The following CTNNA2 variants were observed in gnomAD, a reference collection of about 807,000 sequenced individuals.
CTNNA2 encodes the protein catenin alpha-2.
Under a neutral mutation model 101.0 loss-of-function variants are expected in CTNNA2, and 42 were observed. That is an observed-to-expected ratio of 0.42 (90% CI 0.32 to 0.54). CTNNA2 has a LOEUF of 0.54. CTNNA2 is among the 20% of genes least tolerant of loss of function. CTNNA2 has a pLI of 0.14. For missense variants in CTNNA2, 871 were observed against 1,223.1 expected, an observed-to-expected ratio of 0.71 and a Z score of 4.29; for synonymous variants, 450 against 456.4, an observed-to-expected ratio of 0.99 and a Z score of 0.18.
rs187803019 is a variant in CTNNA2 at position 79,889,119 on chromosome 2, G to A, written c.852+14777G>A. The stretch of plus-strand genomic sequence containing the variant: ...CTTCCTATGTTACAGTGCTGGGAAC[G>A]TGATAGGGAGTTACTTAAATGTTCT... On this transcript the variant is annotated intron_variant, in intron 6 of 18. Transcript: ENST00000402739. Among the ~76,000 whole-genome samples, 87 of 152,238 alleles carry A rather than the reference G, an allele frequency of 5.7e-4. No homozygotes were observed. In the East Asian group the frequency reaches 6.9e-3, roughly 12 times the overall value.
chr2:80,093,963 C>T (rs1346771065), intron 7 of CTNNA2, among the ~76,000 whole-genome samples: 2 of 151,938 alleles, frequency 1.3e-5, no homozygotes, highest in African/African-American at 2.4e-5. Context: ...GTTGCCTGTT[C>T]ACTCTGATGG....
At chr2:80,193,181 C>T (rs1706629016) in intron 7 of CTNNA2, among the ~76,000 whole-genome samples, 1 of 152,152 alleles carries the variant, frequency 6.6e-6, no homozygotes, top group Admixed American at 6.5e-5. Flanking sequence ...TCATTGGTAA[C>T]TATCAACTGA....
intron 4 of CTNNA2, among the ~76,000 whole-genome samples, chr2:79,457,588 G>A (rs895842390): frequency 6.6e-6 from 1 of 152,044 alleles, no homozygotes; most frequent in Non-Finnish European, 1.5e-5. Flanking sequence ...CAGTTATAAG[G>A]CTCATATGAA....
At chr2:79,434,771 C>T (rs1283220244) in intron 4 of CTNNA2, among the ~76,000 whole-genome samples, 2 of 152,158 alleles carry the variant, frequency 1.3e-5, no homozygotes, top group African/African-American at 4.8e-5. Flanking sequence ...GAGTGAGAAA[C>T]AGGGACAGTG....
At chr2:80,238,270 A>T (rs1314649224) in intron 7 of CTNNA2, among the ~76,000 whole-genome samples, 1 of 152,154 alleles carries the variant, frequency 6.6e-6, no homozygotes, top group Non-Finnish European at 1.5e-5. Context: ...GGAGGGGCTG[A>T]CAGCACGTTG....
intron 1 of CTNNA2, among the ~76,000 whole-genome samples, chr2:79,516,332 C>T (rs1266926511): frequency 1.3e-5 from 2 of 152,058 alleles, no homozygotes; most frequent in African/African-American, 4.8e-5. Flanking sequence ...AAGACAGAAG[C>T]GCAAGTAAGT....
At chr2:80,375,117 A>G (rs1441734787) in intron 7 of CTNNA2, among the ~76,000 whole-genome samples, 1 of 152,116 alleles carries the variant, frequency 6.6e-6, no homozygotes, top group Non-Finnish European at 1.5e-5. Flanking sequence ...AAACAAAATT[A>G]TGATACTCAG....
In CTNNA2 at chr2:80,303,865, G is replaced by T. The variant is rs1676632851; in HGVS notation, c.1057-89346G>T. The T allele has an allele frequency of 6.8e-7, 1 of 1,477,066 alleles. No homozygotes were observed. The highest frequency in any genetic ancestry group is 9.0e-7 in the Non-Finnish European group (1 of 1,112,712). 91.5% of individuals were successfully genotyped at this position (1,477,066 alleles called of 1,614,324 possible). On this transcript the variant is annotated intron_variant, in intron 7 of 18. Coordinates refer to ENST00000402739, the MANE Select transcript of CTNNA2 (RefSeq NM_001282597.3). The surrounding 1 kb of genome is among the most constrained non-coding windows in gnomAD (Gnocchi z 7.7). ...AGACTGGAGAATGTCCATTGGAAGCGCTCGGTCAGAAATCTACATCATATT... is the reference window on the plus strand; with the variant it reads ...AGACTGGAGAATGTCCATTGGAAGCTCTCGGTCAGAAATCTACATCATATT...
intron 6 of CTNNA2, among the ~76,000 whole-genome samples, chr2:79,881,140 A>G (rs1234940748): frequency 6.6e-6 from 1 of 152,172 alleles, no homozygotes; most frequent in African/African-American, 2.4e-5. Flanking sequence ...GAGTTTCTTC[A>G]TCCTAAGTTC....
chr2:79,302,722 A>C (rs976360287), intron 2 of CTNNA2, among the ~76,000 whole-genome samples: 1 of 152,174 alleles, frequency 6.6e-6, no homozygotes, highest in African/African-American at 2.4e-5. Flanking sequence ...ATATGAATTG[A>C]GTGTCTATTC....
intron 6 of CTNNA2, among the ~76,000 whole-genome samples, chr2:79,894,034 T>C (rs1684503270): frequency 6.8e-6 from 1 of 146,110 alleles, no homozygotes; most frequent in Non-Finnish European, 1.5e-5. Context: ...TTCTTCTTCT[T>C]CTTCTTCTTC....
chr2:80,442,872 A>C (rs1414060221), intron 9 of CTNNA2, among the ~76,000 whole-genome samples: 1 of 152,216 alleles, frequency 6.6e-6, no homozygotes, highest in Non-Finnish European at 1.5e-5. Flanking sequence ...CAGACAGCTC[A>C]GAGCAGAAAA....
At chr2:80,559,882 A>ATC (rs1693400787) in intron 12 of CTNNA2, among the ~76,000 whole-genome samples, 1 of 139,772 alleles carries the variant, frequency 7.2e-6, no homozygotes, top group African/African-American at 2.9e-5. Context: ...TCATATTTAT[A>ATC]TATATATATA....
intron 4 of CTNNA2, among the ~76,000 whole-genome samples, chr2:79,468,308 G>C (rs1359941498): frequency 6.6e-6 from 1 of 152,092 alleles, no homozygotes; most frequent in Non-Finnish European, 1.5e-5. Context: ...GTAAAGGGAT[G>C]AATTCAACAA....
At chr2:79,689,990 A>G (rs1363666973) in intron 2 of CTNNA2, among the ~76,000 whole-genome samples, 1 of 152,014 alleles carries the variant, frequency 6.6e-6, no homozygotes. Context: ...TTGCATATAC[A>G]TACCTAAAAT....
At chr2:79,758,155 A>G (rs1672522107) in intron 3 of CTNNA2, among the ~76,000 whole-genome samples, 1 of 152,212 alleles carries the variant, frequency 6.6e-6, no homozygotes, top group Non-Finnish European at 1.5e-5. Flanking sequence ...TTTGTGCATA[A>G]AATACTCTAC....
chr2:80,333,872 C>T (rs183859888), intron 7 of CTNNA2, among the ~76,000 whole-genome samples: 12 of 152,332 alleles, frequency 7.9e-5, no homozygotes, highest in African/African-American at 1.4e-4. Flanking sequence ...ATCCGCCTGT[C>T]TCAGCCTCCC....
At chr2:79,749,983 G>A (rs1671906814) in intron 3 of CTNNA2, among the ~76,000 whole-genome samples, 1 of 152,166 alleles carries the variant, frequency 6.6e-6, no homozygotes, top group South Asian at 2.1e-4. Context: ...GCATCTAATA[G>A]TCTTCATGAA....
At chr2:80,257,505 G>C (rs1030412101) in intron 7 of CTNNA2, among the ~76,000 whole-genome samples, 1 of 152,164 alleles carries the variant, frequency 6.6e-6, no homozygotes, top group African/African-American at 2.4e-5. Flanking sequence ...TGTGAGAAAG[G>C]GCAGACAGAA....
Sources: gnomAD v4.1 joint callset for allele counts (sites outside exome capture counted in the v4.1 genomes callset) on GRCh38, gnomAD v4.1.1 for gene constraint, Gnocchi (gnomAD v3.1) non-coding constraint, MANE v1.5 for transcripts, NCBI Gene and HGNC (gene_info 2026-07-23, HGNC 2026-07-21) for gene names.